PLCL1: variants seen among roughly 807,000 people sequenced by gnomAD.
PLCL1 encodes the protein phospholipase C like 1 (inactive), also known as inactive phospholipase C-like protein 1.
In PLCL1, 41 loss-of-function variants were observed where a neutral mutation model predicts 84.4. The ratio of observed to expected loss-of-function variants is 0.49; its 90% CI spans 0.38 to 0.63. The LOEUF (loss-of-function observed/expected upper bound fraction) is 0.63. Among genes scored for constraint, PLCL1 ranks in the 30% least tolerant of loss-of-function variants. The probability of loss-of-function intolerance (pLI) is 0.00; values close to 1 mark genes in which losing one functional copy is unlikely to be tolerated. For missense variants in PLCL1, 1,206 were observed against 1,367.8 expected, an observed-to-expected ratio of 0.88 and a Z score of 1.87; for synonymous variants, 490 against 488.3, an observed-to-expected ratio of 1.00 and a Z score of -0.05.
chr2:197,886,356 G>C (rs1687921403), intron 1 of PLCL1, among the ~76,000 whole-genome samples: 1 of 139,366 alleles, frequency 7.2e-6, no homozygotes, highest in East Asian at 2.4e-4. Context: ...AGGTTGCAGT[G>C]AGCCGAGGTC....
intron 1 of PLCL1, among the ~76,000 whole-genome samples, chr2:198,055,365 AAGAG>A (rs3068250): frequency 6.2e-4 from 80 of 128,548 alleles, no homozygotes; most frequent in African/African-American, 8.3e-4. Flanking sequence ...GAGAGAGAGA[AAGAG>A]AGAGAGAGAG....
chr2:197,972,281 A>G (rs1193528914), intron 1 of PLCL1, among the ~76,000 whole-genome samples: 1 of 152,244 alleles, frequency 6.6e-6, no homozygotes, highest in African/African-American at 2.4e-5. Context: ...GAAAACTTGG[A>G]ACTCTAATTT....
chr2:198,043,564 G>A (rs1691717393), intron 1 of PLCL1, among the ~76,000 whole-genome samples: 1 of 152,204 alleles, frequency 6.6e-6, no homozygotes, highest in South Asian at 2.1e-4. Flanking sequence ...TCTCAGGCAG[G>A]ACCATAGCGG....
At chr2:197,987,972 T>G (rs1358542216) in intron 1 of PLCL1, among the ~76,000 whole-genome samples, 2 of 152,138 alleles carry the variant, frequency 1.3e-5, no homozygotes, top group East Asian at 3.9e-4. Flanking sequence ...AGTTTCAGTT[T>G]TAGAAGCAGA....
At chr2:198,057,114 A>G (rs372185603) in intron 1 of PLCL1, among the ~76,000 whole-genome samples, 2 of 152,164 alleles carry the variant, frequency 1.3e-5, no homozygotes, top group East Asian at 3.9e-4. Context: ...AATCATTTGA[A>G]CAACCACTTT....
At chr2:198,029,388 T>C (rs1181658594) in intron 1 of PLCL1, among the ~76,000 whole-genome samples, 1 of 152,216 alleles carries the variant, frequency 6.6e-6, no homozygotes, top group Non-Finnish European at 1.5e-5. Context: ...TATCTATTCT[T>C]AAAGCTCACT....
chr2:198,026,648 A>G (rs959177480), intron 1 of PLCL1, among the ~76,000 whole-genome samples: 10 of 152,228 alleles, frequency 6.6e-5, no homozygotes, highest in African/African-American at 2.4e-4. Flanking sequence ...AACTCAATTA[A>G]CTAGAAAGAA....
intron 1 of PLCL1, among the ~76,000 whole-genome samples, chr2:198,021,815 T>C (rs186361004): frequency 1.1e-4 from 16 of 152,152 alleles, no homozygotes; most frequent in Admixed American, 1.0e-3. Context: ...CTATCAGAGG[T>C]ACAAAGACAA....
chr2:197,832,478 A>C (rs1416145599), intron 1 of PLCL1, among the ~76,000 whole-genome samples: 1 of 152,240 alleles, frequency 6.6e-6, no homozygotes, highest in Non-Finnish European at 1.5e-5. Context: ...TCCTGAATAG[A>C]CCAATAAGTT....
At chr2:198,091,085 T>A (rs938831945) in intron 3 of PLCL1, among the ~76,000 whole-genome samples, 1 of 152,206 alleles carries the variant, frequency 6.6e-6, no homozygotes, top group Non-Finnish European at 1.5e-5. Context: ...TCATGTACAG[T>A]TCTCTATGGA....
intron 1 of PLCL1, among the ~76,000 whole-genome samples, chr2:197,836,521 G>A (rs1422279440): frequency 2.1e-5 from 3 of 142,528 alleles, no homozygotes; most frequent in African/African-American, 7.8e-5. Context: ...TTCCGTCTTA[G>A]AATATATAGA....
intron 1 of PLCL1, among the ~76,000 whole-genome samples, chr2:197,936,013 C>G (rs1404228486): frequency 6.6e-6 from 1 of 152,102 alleles, no homozygotes; most frequent in Non-Finnish European, 1.5e-5. Context: ...TTCTTCTGTT[C>G]CTAGCTTATT....
In PLCL1 at chr2:197,804,972, C is replaced by A. The variant is rs1030876246; in HGVS notation, c.-128C>A. The A allele has an allele frequency of 2.5e-6, 3 of 1,190,750 alleles. No homozygotes were observed. The highest frequency in any genetic ancestry group is 3.4e-6 in the Non-Finnish European group (3 of 888,588). The allele number at this position is 1,190,750 out of a possible 1,614,324, so 73.8% of individuals were successfully genotyped here. ...CCGCCGCCGCCGCCGCCGCCACTGC[C>A]GCCGCTGGGCGGTGAAACAAAGTCT... On this transcript the variant is annotated 5_prime_UTR_variant, in exon 1 of 6. Coordinates refer to ENST00000428675, the MANE Select transcript of PLCL1 (RefSeq NM_006226.4).
intron 5 of PLCL1, among the ~76,000 whole-genome samples, chr2:198,110,060 T>C (rs1559108817): frequency 6.6e-6 from 1 of 151,766 alleles, no homozygotes; most frequent in Non-Finnish European, 1.5e-5. Flanking sequence ...TTCATGACTT[T>C]CATTGATTAC....
chr2:198,146,690 C>A (rs1694524317), intron 5 of PLCL1, 90 bp from the exon 6 acceptor site: 3 of 1,043,244 alleles, frequency 2.9e-6, no homozygotes, highest in Non-Finnish European at 4.1e-6. Flanking sequence ...CCTTATTCAG[C>A]AATGGGCAGT....
intron 1 of PLCL1, among the ~76,000 whole-genome samples, chr2:197,830,410 G>A (rs1179762524): frequency 6.6e-6 from 1 of 151,798 alleles, no homozygotes; most frequent in African/African-American, 2.4e-5. Flanking sequence ...TCAAGCAGAA[G>A]AAAGGATATC....
In PLCL1 at chr2:198,085,669, G is replaced by A. The variant is rs778663714; in HGVS notation, c.2152G>A (p.Val718Met). The A allele has an allele frequency of 1.9e-6, 3 of 1,613,978 alleles. No homozygotes were observed. Among genetic ancestry groups the A allele is most frequent in the Non-Finnish European group, 2.5e-6 (3 of 1,179,978 alleles). ...AAATACAAAGGGCATTCTACCTGGG[G>A]TGTCTCCTCTAGCTCTTCATATCAA... ...SANTKGILPG[V>M]SPLALHIKII... Residue 718 changes from valine to methionine, a missense_variant, in exon 2 of 6, where the codon GTG (valine) becomes ATG (methionine). Coordinates refer to ENST00000428675, the MANE Select transcript of PLCL1 (RefSeq NM_006226.4). The surrounding 1 kb of genome is among the most constrained non-coding windows in gnomAD (Gnocchi z 5.3).
chr2:198,090,179 TC>T (rs1417752767), intron 3 of PLCL1, among the ~76,000 whole-genome samples: 2 of 152,090 alleles, frequency 1.3e-5, no homozygotes, highest in African/African-American at 4.8e-5. Context: ...TATTATAGAT[TC>T]CTTTGAAGAT....
At chr2:197,959,160 G>C (rs1172158078) in intron 1 of PLCL1, among the ~76,000 whole-genome samples, 1 of 152,000 alleles carries the variant, frequency 6.6e-6, no homozygotes, top group Non-Finnish European at 1.5e-5. Flanking sequence ...AATATGATAT[G>C]TGTATATACA....
Sources: gnomAD v4.1 joint callset for allele counts (sites outside exome capture counted in the v4.1 genomes callset) on GRCh38, gnomAD v4.1.1 for gene constraint, Gnocchi (gnomAD v3.1) non-coding constraint, MANE v1.5 for transcripts, NCBI Gene and HGNC (gene_info 2026-07-23, HGNC 2026-07-21) for gene names.